The following DNAAF9 variants were observed in gnomAD, a reference collection of about 807,000 sequenced individuals.
DNAAF9 encodes the protein dynein axonemal assembly factor 9.
A neutral mutation model predicts 167.0 loss-of-function variants in DNAAF9; 90 were observed. That is an observed-to-expected ratio of 0.54 (90% CI 0.45 to 0.64). DNAAF9 has a LOEUF of 0.64. DNAAF9 is among the 30% of genes least tolerant of loss of function. The probability of loss-of-function intolerance (pLI) is 0.00; values close to 1 mark genes in which losing one functional copy is unlikely to be tolerated. For missense variants in DNAAF9, 1,315 were observed against 1,442.2 expected, an observed-to-expected ratio of 0.91 and a Z score of 1.43; for synonymous variants, 491 against 508.8, an observed-to-expected ratio of 0.96 and a Z score of 0.47.
chr20:3,403,181 T>C lies in DNAAF9; in HGVS notation c.83+4294A>G, dbSNP rs117393526. On this transcript the variant is annotated intron_variant, in intron 1 of 36. Transcript: ENST00000252032. ...CCTACTTCAGCTATTCCCTTCCACA[T>C]TGCCACATCCAAGCAGCTCAACACA... 3.4e-4 allele frequency among the ~76,000 whole-genome samples: 51 copies of C among 152,178 alleles called. No individual in the cohort carries two copies. In the East Asian group the frequency reaches 9.7e-3, roughly 29 times the overall value.
At chr20:3,366,873 C>T (rs1360541175) in intron 6 of DNAAF9, among the ~76,000 whole-genome samples, 1 of 151,040 alleles carries the variant, frequency 6.6e-6, no homozygotes, top group African/African-American at 2.4e-5. Context: ...TACACTGAGC[C>T]GTGATCACAC....
At chr20:3,345,839 C>T (rs556922199) in intron 8 of DNAAF9, among the ~76,000 whole-genome samples, 1 of 151,958 alleles carries the variant, frequency 6.6e-6, no homozygotes, top group Non-Finnish European at 1.5e-5. Flanking sequence ...ATATAACAAA[C>T]TCTTAAAAAC....
At chr20:3,273,194 T>C (rs1861135808) in intron 29 of DNAAF9, among the ~76,000 whole-genome samples, 1 of 152,170 alleles carries the variant, frequency 6.6e-6, no homozygotes, top group South Asian at 2.1e-4. Context: ...ATTTCTGCTT[T>C]CCTAAGTGAC....
At chr20:3,342,649 A>G (rs560705516) in intron 9 of DNAAF9, among the ~76,000 whole-genome samples, 1 of 152,294 alleles carries the variant, frequency 6.6e-6, no homozygotes, top group South Asian at 2.1e-4. Flanking sequence ...AAAAGTAAGC[A>G]TGGCTGATTT....
chr20:3,370,635 C>T (rs1471635709), intron 6 of DNAAF9, among the ~76,000 whole-genome samples: 1 of 152,086 alleles, frequency 6.6e-6, no homozygotes, highest in Non-Finnish European at 1.5e-5. Flanking sequence ...GTCCCGATCT[C>T]TTGACCTCAT....
chr20:3,304,448 A>G lies in DNAAF9; in HGVS notation c.1774T>C (p.Tyr592His). 4.2e-6 allele frequency: 6 copies of G among 1,432,340 alleles called. No homozygotes were observed. Among genetic ancestry groups the G allele is most frequent in the Non-Finnish European group, 5.9e-6 (6 of 1,014,912 alleles). The allele number at this position is 1,432,340 out of a possible 1,614,324, so 88.7% of individuals were successfully genotyped here. Residue 592 changes from tyrosine (Y) to histidine (H), a missense_variant, in exon 21 of 37, where the codon TAT (tyrosine) becomes CAT (histidine). This residue lies in a region of DNAAF9 where 981 missense variants were observed against 1,012.5 expected (regional missense o/e 0.97). Coordinates refer to ENST00000252032, the MANE Select transcript of DNAAF9 (RefSeq NM_001009984.3). ...SKDHMNSISF[Y>H]DGDSTSTVAA... is the part of the protein sequence containing the mutation. The stretch of plus-strand genomic sequence containing the variant: ...ACTAGTAAAACACCTACCCCATCAT[A>G]GAAGGAAATGGAATTCATGTGATCC...
chr20:3,362,480 C>G (rs949530317), intron 6 of DNAAF9, among the ~76,000 whole-genome samples: 1 of 151,354 alleles, frequency 6.6e-6, no homozygotes, highest in African/African-American at 2.4e-5. Context: ...ATTTTTTTCA[C>G]CTGTATAATT....
At chr20:3,254,976 T>G (rs112207869) in intron 35 of DNAAF9, among the ~76,000 whole-genome samples, 3,708 of 152,294 alleles carry the variant, frequency 0.024, 57 homozygotes, top group African/African-American at 0.037. Flanking sequence ...CATCAGCTTC[T>G]CCCACAAGTA....
chr20:3,258,570 C>T (rs1038494232), intron 33 of DNAAF9, among the ~76,000 whole-genome samples: 7 of 152,102 alleles, frequency 4.6e-5, no homozygotes, highest in African/African-American at 1.7e-4. Flanking sequence ...CAGGAAGAGC[C>T]AGCCTCTCCT....
rs145439668 is a variant in DNAAF9, at chr20:3,383,149, T to C, written c.84-643A>G. Reference sequence around the variant, plus strand: ...AAGGACCCCATTCTCTCCATGCCCATCCCCTCCTTCCCAGAAGCTCCAGAG... The same window carrying C: ...AAGGACCCCATTCTCTCCATGCCCACCCCCTCCTTCCCAGAAGCTCCAGAG... On this transcript the variant is annotated intron_variant, in intron 1 of 36. Coordinates refer to ENST00000252032, the MANE Select transcript of DNAAF9 (RefSeq NM_001009984.3). Among the ~76,000 whole-genome samples, 398 of 151,982 alleles carry C rather than the reference T, an allele frequency of 2.6e-3. 4 individuals carry two copies. The highest frequency in any genetic ancestry group is 0.018 in the East Asian group (91 of 5,164).
intron 13 of DNAAF9, among the ~76,000 whole-genome samples, chr20:3,325,581 A>C (rs898957689): frequency 6.6e-6 from 1 of 152,174 alleles, no homozygotes; most frequent in Non-Finnish European, 1.5e-5. Context: ...CATCATACAC[A>C]ACCTTTCCAA....
At chr20:3,293,230 T>C (rs1366145351) in intron 25 of DNAAF9, among the ~76,000 whole-genome samples, 1 of 133,524 alleles carries the variant, frequency 7.5e-6, no homozygotes, top group Non-Finnish European at 1.5e-5. Context: ...GAGGTGGATG[T>C]TGCAGTGAGC....
intron 10 of DNAAF9, among the ~76,000 whole-genome samples, chr20:3,332,892 GTGCGTGT>G (rs2069860959): frequency 7.7e-6 from 1 of 129,222 alleles, no homozygotes; most frequent in African/African-American, 3.3e-5. Flanking sequence ...GTGTGCGTGT[GTGCGTGT>G]GGTGTGTGTG....
At chr20:3,270,393 G>T in intron 30 of DNAAF9, 34 bp downstream of exon 30, 2 of 1,597,080 alleles carry the variant, frequency 1.3e-6, no homozygotes, top group Non-Finnish European at 8.6e-7. Context: ...ATCTGAGAAA[G>T]CAACTGGTCT....
intron 1 of DNAAF9, among the ~76,000 whole-genome samples, chr20:3,404,897 G>A (rs1384060769): frequency 3.9e-5 from 6 of 152,176 alleles, no homozygotes; most frequent in Admixed American, 3.9e-4. Flanking sequence ...TCCCGGTGGT[G>A]TTTCACTTCT....
intron 16 of DNAAF9, 148 bp from the exon 17 acceptor site, chr20:3,318,548 C>T (rs2069551251): frequency 3.6e-6 from 2 of 556,456 alleles, no homozygotes; most frequent in Non-Finnish European, 6.6e-6. Context: ...ATCCTAAATA[C>T]ATCTTTGAAC....
chr20:3,339,004 C>A (rs1348611686), intron 10 of DNAAF9, among the ~76,000 whole-genome samples: 1 of 151,974 alleles, frequency 6.6e-6, no homozygotes, highest in Non-Finnish European at 1.5e-5. Flanking sequence ...TCTTCACACT[C>A]CTGTTCGGGA....
chr20:3,301,057 C>T (rs1210922726), intron 21 of DNAAF9, among the ~76,000 whole-genome samples: 1 of 151,170 alleles, frequency 6.6e-6, no homozygotes, highest in Non-Finnish European at 1.5e-5. Context: ...CTCTGTCTCC[C>T]AGGCTGGAGT....
chr20:3,376,440 T>A, intron 3 of DNAAF9, 138 bp from the exon 4 acceptor site: 1 of 724,344 alleles, frequency 1.4e-6, no homozygotes, highest in Non-Finnish European at 2.1e-6. Flanking sequence ...ATTATTTAAT[T>A]AAGCACTGTG....
Sources: allele counts gnomAD v4.1 joint callset (sites outside exome capture counted in the v4.1 genomes callset), GRCh38; gene constraint gnomAD v4.1.1; regional missense constraint gnomAD v4.1.1; transcripts MANE v1.5; gene names NCBI Gene and HGNC (gene_info 2026-07-23, HGNC 2026-07-21).